Variants in PIGK observed in about 807,000 individuals in gnomAD.
PIGK encodes the protein GPI-anchor transamidase.
Under a neutral mutation model 50.6 loss-of-function variants are expected in PIGK, and 42 were observed. The observed-to-expected ratio is 0.83, with a 90% CI of 0.65 to 1.07. The LOEUF is 1.07. PIGK is among the 50% of genes least tolerant of loss of function. The pLI, the probability that PIGK is intolerant of heterozygous loss-of-function variation, is 0.00. For synonymous variants in PIGK, 151 were observed against 156.0 expected (o/e 0.97, Z 0.24); for missense variants, 448 against 488.7 (o/e 0.92, Z 0.78).
chr1:77,194,720 T>C (rs945050604), intron 3 of PIGK: 11 of 315,992 alleles, frequency 3.5e-5, no homozygotes, highest in African/African-American at 2.2e-4. Context: ...AAACAATTTG[T>C]ACACCAAACC....
chr1:77,116,213 T>G (rs903144363), intron 10 of PIGK, among the ~76,000 whole-genome samples: 2 of 152,002 alleles, frequency 1.3e-5, no homozygotes, highest in African/African-American at 4.8e-5. Flanking sequence ...AGACAGAGTC[T>G]CGCTCTGTCG....
chr1:77,171,007 G>T (rs1655346512), intron 3 of PIGK, among the ~76,000 whole-genome samples: 1 of 152,164 alleles, frequency 6.6e-6, no homozygotes, highest in Non-Finnish European at 1.5e-5. Context: ...ACAGAATAGT[G>T]AGTCATTCCT....
At chr1:77,210,728 T>C (rs77195732) in intron 1 of PIGK, among the ~76,000 whole-genome samples, 1,995 of 152,148 alleles carry the variant, frequency 0.013, 52 homozygotes, top group African/African-American at 0.045. Flanking sequence ...GTTTCATTCT[T>C]GGCTTAGACA....
intron 9 of PIGK, among the ~76,000 whole-genome samples, chr1:77,124,764 T>G (rs1654189927): frequency 1.3e-5 from 2 of 152,134 alleles, no homozygotes; most frequent in Admixed American, 6.6e-5. Context: ...TTTTTGCAAA[T>G]CATATAACCA....
rs1198948792 is a variant in PIGK at position 77,215,471 on chromosome 1, G to A, written c.93+3839C>T. Among the ~76,000 whole-genome samples the A allele has an allele frequency of 4.6e-5, 7 of 152,218 alleles. No homozygotes were observed. In the East Asian group the frequency reaches 1.4e-3, roughly 29 times the overall value. ...TGGGAATTCTTATACACTGCTGGTG[G>A]GAATGTAAATTAGTATAGCCACTAT... On this transcript the variant is annotated intron_variant, in intron 1 of 10. Transcript: ENST00000370812.
At chr1:77,112,245 T>C (rs978688015) in intron 10 of PIGK, among the ~76,000 whole-genome samples, 2 of 151,666 alleles carry the variant, frequency 1.3e-5, no homozygotes, top group South Asian at 4.2e-4. Flanking sequence ...TTAACTCTTA[T>C]CAGGAAGCAC....
At chr1:77,208,925 CGTCA>C (rs1441164982) in intron 2 of PIGK, among the ~76,000 whole-genome samples, 6 of 152,086 alleles carry the variant, frequency 3.9e-5, no homozygotes, top group Non-Finnish European at 7.4e-5. Flanking sequence ...CTTCATTTGG[CGTCA>C]GTAAGTTAAT....
chr1:77,107,335 T>C (rs1388729722), intron 10 of PIGK, among the ~76,000 whole-genome samples: 2 of 152,240 alleles, frequency 1.3e-5, no homozygotes, highest in Non-Finnish European at 2.9e-5. Context: ...TCTGCCTTCA[T>C]TTCATTATGT....
At chr1:77,206,230 C>T (rs549581960) in intron 3 of PIGK, among the ~76,000 whole-genome samples, 1 of 152,262 alleles carries the variant, frequency 6.6e-6, no homozygotes, top group African/African-American at 2.4e-5. Flanking sequence ...AATATCTAGG[C>T]TTCCTTGTTC....
intron 9 of PIGK, among the ~76,000 whole-genome samples, chr1:77,133,901 T>C (rs1654441134): frequency 6.6e-6 from 1 of 152,192 alleles, no homozygotes; most frequent in African/African-American, 2.4e-5. Context: ...GAATTTGGCA[T>C]GCCAGCCTCA....
chr1:77,198,106 T>A (rs1656077493), intron 3 of PIGK, among the ~76,000 whole-genome samples: 1 of 152,164 alleles, frequency 6.6e-6, no homozygotes, highest in African/African-American at 2.4e-5. Flanking sequence ...GATTATTTAT[T>A]AGTAAATCAA....
chr1:77,170,772 A>G (rs1414330769), intron 3 of PIGK, among the ~76,000 whole-genome samples: 1 of 152,208 alleles, frequency 6.6e-6, no homozygotes, highest in African/African-American at 2.4e-5. Context: ...CCATTCTACC[A>G]TATCTTGAGT....
chr1:77,118,038 T>G (rs764600764), intron 10 of PIGK, among the ~76,000 whole-genome samples: 2 of 152,186 alleles, frequency 1.3e-5, no homozygotes, highest in South Asian at 4.1e-4. Context: ...AAATAAACAA[T>G]TCTAACATCA....
intron 10 of PIGK, among the ~76,000 whole-genome samples, chr1:77,101,799 A>T (rs1653548619): frequency 6.6e-6 from 1 of 152,122 alleles, no homozygotes; most frequent in Non-Finnish European, 1.5e-5. Context: ...AGGTCAAGAG[A>T]TCAAGACCAT....
intron 10 of PIGK, among the ~76,000 whole-genome samples, chr1:77,116,583 T>TGTGTGTGTGTGTGCGC (rs1308851943): frequency 1.9e-5 from 2 of 105,916 alleles, no homozygotes; most frequent in Admixed American, 2.0e-4. Context: ...TGTGTGTGTG[T>TGTGTGTGTGTGTGCGC]GTGTGTGTGT....
At chr1:77,137,874 G>A (rs773217236) in intron 9 of PIGK, among the ~76,000 whole-genome samples, 13 of 152,194 alleles carry the variant, frequency 8.5e-5, no homozygotes, top group Non-Finnish European at 1.6e-4. Flanking sequence ...AAAGTGCTGG[G>A]ACTACAGGAG....
At chr1:77,176,101 A>G (rs1098123) in intron 3 of PIGK, among the ~76,000 whole-genome samples, 5,927 of 152,240 alleles carry the variant, frequency 0.039, 304 homozygotes, top group African/African-American at 0.12. Flanking sequence ...CCCTCTATCA[A>G]TGAGTAAAAG....
chr1:77,146,598 C>T (rs1462885100), intron 9 of PIGK, among the ~76,000 whole-genome samples: 1 of 152,048 alleles, frequency 6.6e-6, no homozygotes, highest in Non-Finnish European at 1.5e-5. Flanking sequence ...GAGTTCGAGG[C>T]CAGCCTGGGC....
intron 3 of PIGK, among the ~76,000 whole-genome samples, chr1:77,190,278 G>A (rs576790842): frequency 2.0e-5 from 3 of 152,028 alleles, no homozygotes; most frequent in African/African-American, 4.8e-5. Context: ...TCGCATGGCT[G>A]TAGTCCTAGC....
Sources: gnomAD v4.1 joint callset for allele counts (sites outside exome capture counted in the v4.1 genomes callset) on GRCh38, gnomAD v4.1.1 for gene constraint, MANE v1.5 for transcripts, NCBI Gene and HGNC (gene_info 2026-07-23, HGNC 2026-07-21) for gene names.